HGSNAT: variants seen among roughly 807,000 people sequenced by gnomAD.
HGSNAT encodes transmembrane protein 76.
HGSNAT carries 59 observed loss-of-function variants against 85.2 expected under a neutral mutation model. The observed-to-expected ratio is 0.69, with a 90% CI of 0.56 to 0.86. The LOEUF is 0.86. Among genes scored for constraint, HGSNAT ranks in the 40% least tolerant of loss-of-function variants. The probability of loss-of-function intolerance (pLI) is 0.00; values close to 1 mark genes in which losing one functional copy is unlikely to be tolerated. For missense variants in HGSNAT, 756 were observed against 777.1 expected, an observed-to-expected ratio of 0.97 and a Z score of 0.32; for synonymous variants, 321 against 304.5, an observed-to-expected ratio of 1.05 and a Z score of -0.56.
chr8:43,158,889 A>G lies in HGSNAT; in HGVS notation c.372-34A>G, dbSNP rs189601391. On this transcript the variant is annotated intron_variant, in intron 3 of 17. Coordinates refer to ENST00000379644, the MANE Select transcript of HGSNAT (RefSeq NM_152419.3). ...AATCCAACTTCTTATTTTCTAATCT[A>G]ACCACTTGTCTTAATTTTACCTAAT... 3,075 of 1,587,720 alleles carry G rather than the reference A, an allele frequency of 1.9e-3. 5 individuals carry two copies. The highest frequency in any genetic ancestry group is 2.4e-3 in the Non-Finnish European group (2,834 of 1,163,524).
At chr8:43,175,833 C>T (rs1039815532) in intron 9 of HGSNAT, among the ~76,000 whole-genome samples, 2 of 151,866 alleles carry the variant, frequency 1.3e-5, no homozygotes, top group Admixed American at 6.6e-5. Flanking sequence ...TCCCAAAGTG[C>T]TAGGATTACA....
intron 7 of HGSNAT, among the ~76,000 whole-genome samples, chr8:43,171,250 C>CTT (rs1803617156): frequency 6.6e-6 from 1 of 152,158 alleles, no homozygotes; most frequent in Admixed American, 6.5e-5. Flanking sequence ...TTTCTACATA[C>CTT]TGAAGCCTTC....
At chr8:43,156,006 A>C (rs1803081729) in intron 2 of HGSNAT, among the ~76,000 whole-genome samples, 1 of 151,966 alleles carries the variant, frequency 6.6e-6, no homozygotes, top group South Asian at 2.1e-4. Flanking sequence ...ATGCCCGGCT[A>C]ATTTTGTATT....
chr8:43,175,479 T>C (rs1394444543), intron 9 of HGSNAT, among the ~76,000 whole-genome samples: 1 of 152,098 alleles, frequency 6.6e-6, no homozygotes, highest in Non-Finnish European at 1.5e-5. Flanking sequence ...TGATCAATGA[T>C]GTTGAGCACC....
chr8:43,159,157 A>G (rs1334624004), intron 4 of HGSNAT, 113 bp downstream of exon 4: 15 of 1,067,652 alleles, frequency 1.4e-5, no homozygotes, highest in Non-Finnish European at 2.0e-5. Flanking sequence ...TGAAAACCTA[A>G]ATCTTAGGTC....
chr8:43,145,724 CTGGGTGA>C, intron 1 of HGSNAT, among the ~76,000 whole-genome samples: 1 of 151,884 alleles, frequency 6.6e-6, no homozygotes, highest in Non-Finnish European at 1.5e-5. Context: ...GCACTCCAGC[CTGGGTGA>C]CAGAGCAAGA....
intron 2 of HGSNAT, among the ~76,000 whole-genome samples, chr8:43,157,700 C>G (rs1803134934): frequency 6.6e-6 from 1 of 152,054 alleles, no homozygotes; most frequent in South Asian, 2.1e-4. Context: ...ATTGCTTGAG[C>G]CTGGGAGGTG....
intron 5 of HGSNAT, among the ~76,000 whole-genome samples, chr8:43,163,285 C>G (rs1803325864): frequency 6.6e-6 from 1 of 152,162 alleles, no homozygotes; most frequent in East Asian, 1.9e-4. Context: ...GCACATGATG[C>G]TGCCCTTCCA....
At chr8:43,151,209 T>C (rs1802906403) in intron 2 of HGSNAT, among the ~76,000 whole-genome samples, 1 of 152,228 alleles carries the variant, frequency 6.6e-6, no homozygotes, top group Non-Finnish European at 1.5e-5. Context: ...ATCATAGAGC[T>C]GGTGAACTGA....
intron 9 of HGSNAT, among the ~76,000 whole-genome samples, chr8:43,177,579 GAGTAATTT>G (rs1362824437): frequency 1.0e-4 from 14 of 136,738 alleles, no homozygotes; most frequent in African/African-American, 3.7e-4. Flanking sequence ...AAAAAAAAAA[GAGTAATTT>G]AGTAATTTAG....
In HGSNAT at chr8:43,191,509, C is replaced by T; in HGVS notation, c.1164C>T (p.Ser388=). ...RSCLSLRDIT[S]SWPQWLLILV... ...GCCTTTCTCTTCGAGACATCACGTC[C>T]AGCTGGCCCCAGTGGCTGCTCATCC... Residue 388 remains serine, a synonymous_variant, in exon 12 of 18, where the codon TCC becomes TCT. Coordinates refer to ENST00000379644, the MANE Select transcript of HGSNAT (RefSeq NM_152419.3). 2 of 1,613,982 alleles carry T rather than the reference C, an allele frequency of 1.2e-6. No individual in the cohort carries two copies. The highest frequency in any genetic ancestry group is 1.7e-6 in the Non-Finnish European group (2 of 1,179,848).
chr8:43,183,378 G>A (rs1015063768), intron 11 of HGSNAT, among the ~76,000 whole-genome samples: 3 of 151,952 alleles, frequency 2.0e-5, no homozygotes, highest in Non-Finnish European at 4.4e-5. Context: ...TGTTGCCCAG[G>A]CTGGTCTTGA....
At chr8:43,153,359 G>GT (rs35612509) in intron 2 of HGSNAT, among the ~76,000 whole-genome samples, 6,766 of 149,592 alleles carry the variant, frequency 0.045, 193 homozygotes, top group South Asian at 0.085. Flanking sequence ...TTTTTAAAAA[G>GT]TTTTTTTTTT....
At chr8:43,186,386 G>A (rs1250407368) in intron 11 of HGSNAT, among the ~76,000 whole-genome samples, 2 of 152,146 alleles carry the variant, frequency 1.3e-5, no homozygotes, top group Non-Finnish European at 2.9e-5. Context: ...ATGTGTCCAG[G>A]AATTTATCAA....
intron 14 of HGSNAT, chr8:43,196,294 T>A: frequency 2.7e-6 from 1 of 367,958 alleles, no homozygotes; most frequent in South Asian, 2.1e-5. Flanking sequence ...AAGCTTCTCA[T>A]CCTTTGATGT....
intron 1 of HGSNAT, among the ~76,000 whole-genome samples, chr8:43,143,576 C>T (rs574008836): frequency 7.3e-5 from 11 of 150,842 alleles, no homozygotes; most frequent in African/African-American, 2.2e-4. Flanking sequence ...CTCGCTCTGT[C>T]GCCCAGGCTG....
intron 1 of HGSNAT, among the ~76,000 whole-genome samples, chr8:43,144,892 C>T (rs1284065421): frequency 6.6e-6 from 1 of 152,140 alleles, no homozygotes; most frequent in Non-Finnish European, 1.5e-5. Flanking sequence ...ACACCAGTCC[C>T]CTGATTTTGC....
chr8:43,190,130 T>TTA (rs1327056135), intron 11 of HGSNAT, among the ~76,000 whole-genome samples: 1 of 152,236 alleles, frequency 6.6e-6, no homozygotes, highest in Non-Finnish European at 1.5e-5. Flanking sequence ...CATTGCTTCT[T>TTA]TATCAGAAGC....
intron 9 of HGSNAT, among the ~76,000 whole-genome samples, chr8:43,174,671 A>G (rs977079964): frequency 6.6e-6 from 1 of 152,222 alleles, no homozygotes; most frequent in Non-Finnish European, 1.5e-5. Flanking sequence ...TATGGTAGAT[A>G]TGAGATATTT....
Sources: gnomAD v4.1 joint callset for allele counts (sites outside exome capture counted in the v4.1 genomes callset) on GRCh38, gnomAD v4.1.1 for gene constraint, MANE v1.5 for transcripts, NCBI Gene and HGNC (gene_info 2026-07-23, HGNC 2026-07-21) for gene names.